Variants in GUCY1B1 observed in about 807,000 individuals in gnomAD.
GUCY1B1 encodes guanylate cyclase 1 soluble subunit beta 1.
GUCY1B1 carries 43 observed loss-of-function variants against 71.0 expected under a neutral mutation model. The observed-to-expected ratio is 0.61, with a 90% confidence interval of 0.47 to 0.78. The LOEUF is 0.78. GUCY1B1 is among the 30% of genes least tolerant of loss of function. The pLI, the probability that GUCY1B1 is intolerant of heterozygous loss-of-function variation, is 0.00. For missense variants in GUCY1B1, 535 were observed against 754.1 expected, an observed-to-expected ratio of 0.71 and a Z score of 3.40; for synonymous variants, 266 against 259.7, an observed-to-expected ratio of 1.02 and a Z score of -0.23.
At chr4:155,791,688 G>T (rs1294527826) in intron 5 of GUCY1B1, among the ~76,000 whole-genome samples, 5 of 146,968 alleles carry the variant, frequency 3.4e-5, no homozygotes, top group Admixed American at 6.8e-5. Context: ...CCGAAATTTC[G>T]CCACTGCACT....
intron 2 of GUCY1B1, among the ~76,000 whole-genome samples, chr4:155,768,482 G>A (rs1235868845): frequency 7.1e-6 from 1 of 140,010 alleles, no homozygotes; most frequent in Non-Finnish European, 1.5e-5. Flanking sequence ...TTTGTAGGGA[G>A]CTTGGAAATG....
Position 155,767,558 on chromosome 4 carries a change from T to C in GUCY1B1, c.78-7410T>C, listed in dbSNP as rs116138720. Reference sequence around the variant, plus strand: ...TGTTGTTTCCCCTAAAACTAAGGTATGGGTGTCACTCAGGAGAGTATTTAT... The same window carrying C: ...TGTTGTTTCCCCTAAAACTAAGGTACGGGTGTCACTCAGGAGAGTATTTAT... On this transcript the variant is annotated intron_variant, in intron 2 of 13. Coordinates refer to ENST00000264424, the MANE Select transcript of GUCY1B1 (RefSeq NM_000857.5). Among the ~76,000 whole-genome samples the C allele has an allele frequency of 6.5e-3, 994 of 152,224 alleles. 14 individuals carry two copies. The highest frequency in any genetic ancestry group is 0.023 in the African/African-American group (949 of 41,546).
At chr4:155,776,207 A>G (rs1738031814) in intron 3 of GUCY1B1, among the ~76,000 whole-genome samples, 1 of 152,210 alleles carries the variant, frequency 6.6e-6, no homozygotes, top group Non-Finnish European at 1.5e-5. Context: ...TTGCCTCATG[A>G]AAGCCTTTTA....
chr4:155,772,938 C>T (rs1246307289), intron 2 of GUCY1B1, among the ~76,000 whole-genome samples: 2 of 152,136 alleles, frequency 1.3e-5, no homozygotes, highest in Non-Finnish European at 2.9e-5. Flanking sequence ...GTAAGACATA[C>T]CACCATTTGG....
chr4:155,761,050 T>C (rs28483593), intron 2 of GUCY1B1, among the ~76,000 whole-genome samples: 1,950 of 152,336 alleles, frequency 0.013, 46 homozygotes, highest in African/African-American at 0.045. Context: ...CCCCTGGATC[T>C]GTATCACTGA....
intron 2 of GUCY1B1, among the ~76,000 whole-genome samples, chr4:155,774,185 C>T (rs571591562): frequency 1.4e-3 from 214 of 152,312 alleles, no homozygotes; most frequent in Non-Finnish European, 2.4e-3. Flanking sequence ...CAACGTCCAA[C>T]CAGGCCAAGC....
At chr4:155,797,440 C>T (rs1038918120) in intron 8 of GUCY1B1, among the ~76,000 whole-genome samples, 1 of 151,874 alleles carries the variant, frequency 6.6e-6, no homozygotes, top group Admixed American at 6.6e-5. Flanking sequence ...ATATATAAGG[C>T]CAAATAAGAA....
intron 2 of GUCY1B1, among the ~76,000 whole-genome samples, chr4:155,773,151 T>C (rs561021727): frequency 6.6e-4 from 101 of 152,234 alleles, no homozygotes; most frequent in Non-Finnish European, 1.4e-3. Context: ...ATGAATTGGA[T>C]TGAGAGTAAG....
In GUCY1B1 at chr4:155,796,487, C is replaced by G. The variant is rs1224774988; in HGVS notation, c.954C>G (p.Ser318Arg). The stretch of plus-strand genomic sequence containing the variant: ...TGATCTACTTACCTGAAGCAGATAG[C>G]ATACTTTTTCTATGTTCACCAAGGT... Reference protein sequence around the residue: ...GQMIYLPEADSILFLCSPSVM... With the variant: ...GQMIYLPEADRILFLCSPSVM... The change falls in exon 8 of 14, where the codon AGC becomes AGG. Residue 318 changes from serine (S) to arginine (R), a missense_variant. Coordinates refer to ENST00000264424, the MANE Select transcript of GUCY1B1 (RefSeq NM_000857.5). 1 of 1,610,076 alleles carries G rather than the reference C, an allele frequency of 6.2e-7. No individual in the cohort carries two copies.
At chr4:155,792,224 C>A (rs1457768991) in intron 5 of GUCY1B1, among the ~76,000 whole-genome samples, 4 of 151,884 alleles carry the variant, frequency 2.6e-5, no homozygotes, top group Non-Finnish European at 5.9e-5. Context: ...TAGATCATGT[C>A]ATAAAGTGAT....
intron 2 of GUCY1B1, among the ~76,000 whole-genome samples, chr4:155,770,239 A>G (rs1443373679): frequency 6.6e-6 from 1 of 152,184 alleles, no homozygotes; most frequent in Non-Finnish European, 1.5e-5. Context: ...CAGGTAGCAG[A>G]TAAAAAAACA....
At chr4:155,765,226 A>C (rs997669356) in intron 2 of GUCY1B1, among the ~76,000 whole-genome samples, 1 of 152,168 alleles carries the variant, frequency 6.6e-6, no homozygotes, top group Non-Finnish European at 1.5e-5. Context: ...GCCTTTCTCC[A>C]GAATAAGGGG....
Position 155,777,582 on chromosome 4 carries a change from A to G in GUCY1B1, c.237A>G (p.Gln79=). Residue 79 remains glutamine (Q), a synonymous_variant, in exon 4 of 14, where the codon CAA becomes CAG. Transcript: ENST00000264424. ...MFGKMFFVFC[Q]ESGYDTILRV... is the part of the protein sequence containing the mutation. ...GGAAGATGTTTTTCGTCTTTTGCCA[A>G]GAATCTGGTTATGATACAATCTTGC... The G allele has an allele frequency of 1.2e-6, 2 of 1,611,456 alleles. No individual in the cohort carries two copies. The highest frequency in any genetic ancestry group is 1.7e-6 in the Non-Finnish European group (2 of 1,177,666).
intron 8 of GUCY1B1, among the ~76,000 whole-genome samples, chr4:155,797,818 A>G (rs2111151371): frequency 6.6e-6 from 1 of 151,098 alleles, no homozygotes; most frequent in African/African-American, 2.4e-5. Flanking sequence ...TAACTATGAC[A>G]TATAAGAATA....
At chr4:155,762,331 A>T (rs1737051067) in intron 2 of GUCY1B1, among the ~76,000 whole-genome samples, 1 of 147,468 alleles carries the variant, frequency 6.8e-6, no homozygotes, top group Admixed American at 6.7e-5. Flanking sequence ...AAGAGGAAAA[A>T]CATTTTTTTT....
At chr4:155,783,970 T>A (rs1738603615) in intron 4 of GUCY1B1, among the ~76,000 whole-genome samples, 2 of 152,144 alleles carry the variant, frequency 1.3e-5, no homozygotes, top group Non-Finnish European at 2.9e-5. Context: ...GCTTTTCAGT[T>A]TGAATAACTG....
At chr4:155,797,813 A>G (rs1200696840) in intron 8 of GUCY1B1, among the ~76,000 whole-genome samples, 1 of 150,916 alleles carries the variant, frequency 6.6e-6, no homozygotes, top group Non-Finnish European at 1.5e-5. Context: ...TTATTTAACT[A>G]TGACATATAA....
chr4:155,777,782 C>T, intron 4 of GUCY1B1, 140 bp downstream of exon 4: 2 of 547,868 alleles, frequency 3.7e-6, no homozygotes, highest in Non-Finnish European at 6.5e-6. Context: ...TTCTAATTCA[C>T]ATAAAATCAT....
intron 4 of GUCY1B1, among the ~76,000 whole-genome samples, chr4:155,782,389 G>A (rs1028913254): frequency 2.6e-5 from 4 of 152,142 alleles, no homozygotes; most frequent in African/African-American, 9.6e-5. Flanking sequence ...GCGCCTGGCT[G>A]CTATAGTCAA....
Sources: gnomAD v4.1 joint callset for allele counts (sites outside exome capture counted in the v4.1 genomes callset) on GRCh38, gnomAD v4.1.1 for gene constraint, MANE v1.5 for transcripts, NCBI Gene and HGNC (gene_info 2026-07-23, HGNC 2026-07-21) for gene names.